The following DNAH9 variants were observed in gnomAD, a reference collection of about 807,000 sequenced individuals.
DNAH9 encodes the protein DNAH9 variant protein.
DNAH9 carries 345 observed loss-of-function variants against 471.6 expected under a neutral mutation model. The observed-to-expected ratio is 0.73, with a 90% CI of 0.67 to 0.80. The LOEUF is 0.80. Among genes scored for constraint, DNAH9 ranks in the 30% least tolerant of loss-of-function variants. The pLI is 0.00. For missense variants in DNAH9, 5,407 were observed against 5,609.2 expected (o/e 0.96, Z 1.15); for synonymous variants, 2,093 against 2,123.6 (o/e 0.99, Z 0.40).
At position 11,912,205 on chromosome 17, in the gene DNAH9, G is replaced by A. The variant is rs976809465; in HGVS notation, c.11749+6396G>A. 2.2e-4 allele frequency among the ~76,000 whole-genome samples: 34 copies of A among 151,926 alleles called. 1 individual carries two copies. The highest frequency in any genetic ancestry group is 1.2e-3 in the Admixed American group (19 of 15,232). ...GCTAATTTTTGTATTTTTTTAGTAC[G>A]GACAGGGTTTCACCATGTTGGCAGG... On this transcript the variant is annotated intron_variant, in intron 61 of 68. Coordinates refer to ENST00000262442, the MANE Select transcript of DNAH9 (RefSeq NM_001372.4).
At chr17:11,905,848 C>T (rs757530770) in intron 61 of DNAH9, 39 bp downstream of exon 61, 17 of 1,556,800 alleles carry the variant, frequency 1.1e-5, no homozygotes, top group Admixed American at 2.0e-5. Flanking sequence ...GCTGCATTTG[C>T]CCCATGCACT....
Position 11,647,071 on chromosome 17 carries a change from G to C in DNAH9, c.1971-1G>C. The C allele has an allele frequency of 6.2e-7, 1 of 1,613,808 alleles. No individual in the cohort carries two copies. Among genetic ancestry groups the C allele is most frequent in the Non-Finnish European group, 8.5e-7 (1 of 1,179,818 alleles). On this transcript the variant is annotated splice_acceptor_variant, in intron 11 of 68. Coordinates refer to ENST00000262442, the MANE Select transcript of DNAH9 (RefSeq NM_001372.4). LOFTEE classifies it high-confidence loss of function. ...GTGGCTGTTGTCTCTGACCCTTGCA[G>C]GTATGAGACAAGACTTTATGAGGAT...
rs565811249 is a variant in DNAH9 at position 11,792,836 on chromosome 17, T to C, written c.8062-667T>C. ...GGAGTGGTTACAATTCCAGGCATTA[T>C]AGTTAGGAAGGCAACTTACTCTATG... On this transcript the variant is annotated intron_variant, in intron 41 of 68. Coordinates refer to ENST00000262442, the MANE Select transcript of DNAH9 (RefSeq NM_001372.4). Among the ~76,000 whole-genome samples the C allele has an allele frequency of 3.9e-5, 6 of 152,354 alleles. No homozygotes were observed. The East Asian group carries it at 9.6e-4, about 24-fold the overall frequency.
intron 30 of DNAH9, among the ~76,000 whole-genome samples, chr17:11,743,423 A>G (rs2150837764): frequency 6.6e-6 from 1 of 152,272 alleles, no homozygotes; most frequent in Non-Finnish European, 1.5e-5. Context: ...CCTCTCTTCT[A>G]ATTCCTCAGA....
chr17:11,918,292 C>T (rs989579663), intron 61 of DNAH9, among the ~76,000 whole-genome samples: 13 of 152,140 alleles, frequency 8.5e-5, no homozygotes, highest in Admixed American at 5.2e-4. Flanking sequence ...AGTGCAGTGG[C>T]GCCATCTTGG....
Position 11,681,780 on chromosome 17 carries a change from C to CA in DNAH9, c.3743+900dup, listed in dbSNP as rs199979216. On this transcript the variant is annotated intron_variant, in intron 19 of 68. Coordinates refer to ENST00000262442, the MANE Select transcript of DNAH9 (RefSeq NM_001372.4). ...AGAAATATTAAAGCAACAAACCAAA[C>CA]AAAAAAAAATACAACTTCACTGGAA... 9.8e-3 allele frequency among the ~76,000 whole-genome samples: 1,466 copies of CA among 150,208 alleles called. 15 individuals are homozygous for CA. Among genetic ancestry groups the CA allele is most frequent in the Non-Finnish European group, 0.01 (691 of 67,412 alleles).
chr17:11,913,707 A>G (rs1012972795), intron 61 of DNAH9, among the ~76,000 whole-genome samples: 1 of 151,522 alleles, frequency 6.6e-6, no homozygotes, highest in Non-Finnish European at 1.5e-5. Flanking sequence ...GCATGAACCC[A>G]GGAGGTGGAG....
At chr17:11,867,996 C>T (rs993499650) in intron 50 of DNAH9, among the ~76,000 whole-genome samples, 1 of 152,184 alleles carries the variant, frequency 6.6e-6, no homozygotes, top group Non-Finnish European at 1.5e-5. Context: ...TGATCAGTTT[C>T]CCCTTTGGTG....
chr17:11,724,971 G>A (rs2075127342), intron 27 of DNAH9, among the ~76,000 whole-genome samples: 1 of 152,108 alleles, frequency 6.6e-6, no homozygotes, highest in Non-Finnish European at 1.5e-5. Context: ...CAGATCATCA[G>A]GCATTAGATT....
intron 1 of DNAH9, among the ~76,000 whole-genome samples, chr17:11,603,917 C>G (rs896035606): frequency 2.0e-5 from 3 of 152,164 alleles, no homozygotes. Flanking sequence ...TCATGATCAT[C>G]CTCTCTTCCT....
intron 49 of DNAH9, among the ~76,000 whole-genome samples, chr17:11,844,336 A>G (rs1416343356): frequency 6.6e-6 from 1 of 152,146 alleles, no homozygotes. Context: ...TTGTATTTTG[A>G]TATTTTGTAC....
Position 11,629,541 on chromosome 17 carries a change from T to C in DNAH9, c.1475T>C (p.Leu492Pro). 1 of 1,614,120 alleles carries C rather than the reference T, an allele frequency of 6.2e-7. No individual in the cohort carries two copies. The highest frequency in any genetic ancestry group is 1.1e-5 in the South Asian group (1 of 91,082). The stretch of plus-strand genomic sequence containing the variant: ...GAAGAATTTCAAGAGATGTACAGGC[T>C]TCTCTCAGGATCCTCCTCCGACTGC... ...MHEEFQEMYR[L>P]LSGSSSDCLY... The change falls in exon 7 of 69, where the codon CTT (leucine) becomes CCT (proline). Residue 492 changes from leucine (L) to proline (P), a missense_variant. Physicochemically the swap from Leu to Pro is moderately conservative, Grantham distance 98. Coordinates refer to ENST00000262442, the MANE Select transcript of DNAH9 (RefSeq NM_001372.4).
rs1259383416 is a variant in DNAH9, at chr17:11,902,822, A to T, written c.11510A>T (p.Lys3837Met). 1 of 1,614,054 alleles carries T rather than the reference A, an allele frequency of 6.2e-7. No homozygotes were observed. Among genetic ancestry groups the T allele is most frequent in the South Asian group, 1.1e-5 (1 of 91,080 alleles). The change falls in exon 60 of 69, where the codon AAG (lysine) becomes ATG (methionine). Residue 3837 changes from lysine (K) to methionine (M), a missense_variant. Physicochemically the swap from Lys to Met is moderately conservative, Grantham distance 95. Transcript: ENST00000262442. ...FVESECPEKE[K>M]LPQEWKNKTA... ...GAGTCCGAATGTCCTGAGAAAGAGA[A>T]GCTCCCACAGGAGTGGAAGAACAAG... is the stretch of plus-strand genomic sequence containing the variant.
chr17:11,600,579 C>G (rs997349187), intron 1 of DNAH9, among the ~76,000 whole-genome samples: 3 of 152,156 alleles, frequency 2.0e-5, no homozygotes, highest in Non-Finnish European at 4.4e-5. Context: ...CAACAGGGGA[C>G]TGGGTGACTG....
At chr17:11,781,276 T>TATG in intron 39 of DNAH9, 102 bp downstream of exon 39, 1 of 1,262,794 alleles carries the variant, frequency 7.9e-7, no homozygotes, top group Non-Finnish European at 1.1e-6. Context: ...TCAGCATAGC[T>TATG]CTGGTGCCAG....
At chr17:11,727,033 G>T (rs1452521929) in intron 27 of DNAH9, among the ~76,000 whole-genome samples, 1 of 104,870 alleles carries the variant, frequency 9.5e-6, no homozygotes, top group African/African-American at 3.7e-5. Flanking sequence ...GGGCAACAGA[G>T]TGAGACTCCG....
intron 35 of DNAH9, 102 bp from the exon 36 acceptor site, chr17:11,763,338 A>C: frequency 7.9e-6 from 8 of 1,007,048 alleles, no homozygotes; most frequent in African/African-American, 1.6e-5. Flanking sequence ...AACTTGACGG[A>C]CCATGAGTCC....
chr17:11,959,182 TTCTC>T (rs1407666208), intron 67 of DNAH9, among the ~76,000 whole-genome samples: 1 of 152,168 alleles, frequency 6.6e-6, no homozygotes, highest in Non-Finnish European at 1.5e-5. Context: ...ACTGCCTGCT[TTCTC>T]TCTAAGTTTG....
At chr17:11,773,849 G>C (rs1968314632) in intron 38 of DNAH9, among the ~76,000 whole-genome samples, 1 of 152,238 alleles carries the variant, frequency 6.6e-6, no homozygotes, top group Non-Finnish European at 1.5e-5. Flanking sequence ...CAGCTAATAA[G>C]TGGGGCGTGG....
Sources: gnomAD v4.1 joint callset for allele counts (sites outside exome capture counted in the v4.1 genomes callset) on GRCh38, gnomAD v4.1.1 for gene constraint, MANE v1.5 for transcripts, NCBI Gene and HGNC (gene_info 2026-07-23, HGNC 2026-07-21) for gene names.